MAGI2: variants seen among roughly 807,000 people sequenced by gnomAD.
MAGI2 encodes the protein membrane-associated guanylate kinase, WW and PDZ domain-containing protein 2.
Under a neutral mutation model 133.3 loss-of-function variants are expected in MAGI2, and 35 were observed. The observed-to-expected ratio is 0.26, with a 90% CI of 0.20 to 0.35. The LOEUF is 0.35. Ranked by LOEUF, MAGI2 falls within the 10% of genes least tolerant of loss-of-function variation. MAGI2 has a pLI of 1.00. For synonymous variants in MAGI2, 729 were observed against 710.6 expected (o/e 1.03, Z -0.41); for missense variants, 1,636 against 1,863.4 (o/e 0.88, Z 2.25).
At chr7:78,292,255 CT>C (rs1226722762) in intron 9 of MAGI2, among the ~76,000 whole-genome samples, 2 of 152,182 alleles carry the variant, frequency 1.3e-5, no homozygotes, top group East Asian at 3.9e-4. Context: ...CAAAATCAAT[CT>C]GCAAAAATCA....
chr7:78,718,243 C>T (rs1162357835), intron 2 of MAGI2, among the ~76,000 whole-genome samples: 1 of 152,136 alleles, frequency 6.6e-6, no homozygotes, highest in Non-Finnish European at 1.5e-5. Flanking sequence ...ATTGTATATG[C>T]TCACTGTAAA....
At chr7:78,111,789 T>G (rs777176640) in intron 20 of MAGI2, among the ~76,000 whole-genome samples, 4 of 152,064 alleles carry the variant, frequency 2.6e-5, no homozygotes, top group Non-Finnish European at 5.9e-5. Context: ...TGATTAAGAG[T>G]GATGGCTGAG....
chr7:78,643,928 T>C (rs945708430), intron 2 of MAGI2, among the ~76,000 whole-genome samples: 5 of 152,054 alleles, frequency 3.3e-5, no homozygotes, highest in African/African-American at 1.2e-4. Flanking sequence ...AACTCACCTA[T>C]ATGCTGCCTA....
intron 2 of MAGI2, among the ~76,000 whole-genome samples, chr7:78,690,535 T>C (rs771719481): frequency 1.3e-4 from 20 of 152,228 alleles, no homozygotes; most frequent in Non-Finnish European, 2.5e-4. Context: ...ACATTTCTAA[T>C]CTATATCTAG....
intron 1 of MAGI2, among the ~76,000 whole-genome samples, chr7:79,402,839 A>C (rs1845562585): frequency 6.6e-6 from 1 of 152,118 alleles, no homozygotes; most frequent in Non-Finnish European, 1.5e-5. Flanking sequence ...GTACTCTATA[A>C]ATTCCATAAC....
chr7:78,505,840 T>G (rs982920522), intron 4 of MAGI2, among the ~76,000 whole-genome samples: 2 of 152,126 alleles, frequency 1.3e-5, no homozygotes, highest in Non-Finnish European at 2.9e-5. Flanking sequence ...AAAACCTCTT[T>G]TTCAATGTGC....
intron 1 of MAGI2, among the ~76,000 whole-genome samples, chr7:79,199,637 C>T (rs1828411949): frequency 6.6e-6 from 1 of 152,018 alleles, no homozygotes; most frequent in South Asian, 2.1e-4. Context: ...AATTATTTTA[C>T]ATCGAAATTT....
At chr7:78,720,866 A>T (rs1269595090) in intron 2 of MAGI2, among the ~76,000 whole-genome samples, 1 of 152,142 alleles carries the variant, frequency 6.6e-6, no homozygotes, top group African/African-American at 2.4e-5. Flanking sequence ...TCCACAAAGG[A>T]TATAAAAATA....
chr7:78,449,612 T>C lies in MAGI2; in HGVS notation c.1045+40149A>G, dbSNP rs79923446. Among the ~76,000 whole-genome samples the C allele has an allele frequency of 2.6e-3, 392 of 152,242 alleles. 1 individual carries two copies. The highest frequency in any genetic ancestry group is 9.1e-3 in the African/African-American group (380 of 41,562). On this transcript the variant is annotated intron_variant, in intron 6 of 21. Coordinates refer to ENST00000354212, the MANE Select transcript of MAGI2 (RefSeq NM_012301.4). ...TCCAACATTAAATACTGATTTTGTA[T>C]AGAATAAGTACCTATTTTTGTAGCC...
At chr7:78,800,827 G>C (rs1337067066) in intron 2 of MAGI2, among the ~76,000 whole-genome samples, 1 of 152,168 alleles carries the variant, frequency 6.6e-6, no homozygotes, top group Admixed American at 6.6e-5. Context: ...GCAGGAATTT[G>C]TAAGATGCTT....
At chr7:78,626,333 T>C (rs1808340262) in intron 3 of MAGI2, among the ~76,000 whole-genome samples, 1 of 152,194 alleles carries the variant, frequency 6.6e-6, no homozygotes, top group Admixed American at 6.6e-5. Context: ...GTTACCCAAA[T>C]TGATAAATGC....
intron 1 of MAGI2, among the ~76,000 whole-genome samples, chr7:79,095,782 T>C (rs1222740470): frequency 6.6e-6 from 1 of 152,126 alleles, no homozygotes; most frequent in Non-Finnish European, 1.5e-5. Context: ...ATAATCGATA[T>C]GAAAATAATA....
At chr7:78,990,071 C>A (rs1219849129) in intron 2 of MAGI2, among the ~76,000 whole-genome samples, 1 of 151,940 alleles carries the variant, frequency 6.6e-6, no homozygotes, top group Admixed American at 6.6e-5. Flanking sequence ...TTGTAACAAC[C>A]AAATTTATTG....
At chr7:78,873,685 G>A (rs370923732) in intron 2 of MAGI2, among the ~76,000 whole-genome samples, 21 of 152,106 alleles carry the variant, frequency 1.4e-4, no homozygotes, top group East Asian at 3.9e-4. Flanking sequence ...GAATCATCCC[G>A]AAACCACCCC....
chr7:79,105,542 T>C (rs530781678), intron 1 of MAGI2, among the ~76,000 whole-genome samples: 1 of 152,298 alleles, frequency 6.6e-6, no homozygotes, highest in African/African-American at 2.4e-5. Flanking sequence ...GCTGAGTATC[T>C]ATAGAAGCAC....
At chr7:79,214,684 A>T (rs894464571) in intron 1 of MAGI2, among the ~76,000 whole-genome samples, 1 of 140,258 alleles carries the variant, frequency 7.1e-6, no homozygotes, top group South Asian at 2.1e-4. Flanking sequence ...ATAAATATAT[A>T]ATATATATTT....
chr7:78,621,834 C>A (rs957993368), intron 3 of MAGI2, among the ~76,000 whole-genome samples: 4 of 151,958 alleles, frequency 2.6e-5, no homozygotes, highest in African/African-American at 9.7e-5. Context: ...TATGCTTTAG[C>A]CACATCTATC....
At chr7:78,136,267 C>T (rs1441319605) in intron 16 of MAGI2, among the ~76,000 whole-genome samples, 2 of 152,046 alleles carry the variant, frequency 1.3e-5, no homozygotes, top group Non-Finnish European at 2.9e-5. Context: ...CTACAGGCGC[C>T]CGCGACCACG....
rs1819010818 is a variant in MAGI2 at position 78,108,927 on chromosome 7, C to G, written c.3567+16767G>C. Among the ~76,000 whole-genome samples the G allele has an allele frequency of 2.6e-5, 4 of 151,820 alleles. No individual in the cohort carries two copies. The South Asian group carries it at 8.3e-4, about 31-fold the overall frequency. On this transcript the variant is annotated intron_variant, in intron 20 of 21. Coordinates refer to ENST00000354212, the MANE Select transcript of MAGI2 (RefSeq NM_012301.4). The stretch of plus-strand genomic sequence containing the variant: ...ATATACATCGTGTGTGTCCTGGAAA[C>G]AGCAATGGTTGGTATAAATTGGAGG...
Sources: gnomAD v4.1 joint callset for allele counts (sites outside exome capture counted in the v4.1 genomes callset) on GRCh38, gnomAD v4.1.1 for gene constraint, MANE v1.5 for transcripts, NCBI Gene and HGNC (gene_info 2026-07-23, HGNC 2026-07-21) for gene names.